GRK5: variants seen among roughly 807,000 people sequenced by gnomAD.
GRK5 encodes the protein G protein-coupled receptor kinase 5.
Under a neutral mutation model 78.4 loss-of-function variants are expected in GRK5, and 40 were observed. The observed-to-expected ratio is 0.51, with a 90% CI of 0.40 to 0.66. GRK5 has a LOEUF of 0.66. GRK5 is among the 30% of genes least tolerant of loss of function. GRK5 has a pLI of 0.00. For missense variants in GRK5, 598 were observed against 759.9 expected (o/e 0.79, Z 2.50); for synonymous variants, 289 against 296.8 (o/e 0.97, Z 0.27).
At chr10:119,453,039 G>A in intron 14 of GRK5, 106 bp from the exon 15 acceptor site, 1 of 880,664 alleles carries the variant, frequency 1.1e-6, no homozygotes, top group East Asian at 2.4e-5. Context: ...AGGGCGTGTG[G>A]CTCAGGGGCA....
chr10:119,326,427 T>G, intron 1 of GRK5, 89 bp from the exon 2 acceptor site: 4 of 1,054,822 alleles, frequency 3.8e-6, no homozygotes, highest in Non-Finnish European at 5.8e-6. Context: ...CCTCTGTCTC[T>G]CAGCCCAGGA....
chr10:119,313,612 G>C (rs1013340960), intron 1 of GRK5, among the ~76,000 whole-genome samples: 1 of 152,102 alleles, frequency 6.6e-6, no homozygotes, highest in African/African-American at 2.4e-5. Flanking sequence ...TTGTGTCCTG[G>C]TGAACAGTGC....
At chr10:119,216,860 C>T (rs1848583487) in intron 1 of GRK5, among the ~76,000 whole-genome samples, 1 of 152,108 alleles carries the variant, frequency 6.6e-6, no homozygotes, top group Non-Finnish European at 1.5e-5. Context: ...GAGACTGAGG[C>T]AGGAGAATTG....
intron 13 of GRK5, among the ~76,000 whole-genome samples, chr10:119,449,773 A>G (rs915382399): frequency 6.6e-6 from 1 of 152,208 alleles, no homozygotes; most frequent in Non-Finnish European, 1.5e-5. Context: ...TGGGCGACGG[A>G]GCGAGACTGC....
intron 1 of GRK5, among the ~76,000 whole-genome samples, chr10:119,236,332 C>T (rs1481740776): frequency 1.3e-5 from 2 of 152,088 alleles, no homozygotes; most frequent in Non-Finnish European, 2.9e-5. Context: ...TCTCCTGCCT[C>T]AGCCTCCCGA....
At chr10:119,268,667 G>C (rs928024310) in intron 1 of GRK5, among the ~76,000 whole-genome samples, 1 of 152,382 alleles carries the variant, frequency 6.6e-6, no homozygotes, top group African/African-American at 2.4e-5. Context: ...TGCTGACCAA[G>C]TGTTTGCTGT....
At position 119,452,789 on chromosome 10, in the gene GRK5, C is replaced by T. The variant is rs1853314982; in HGVS notation, c.1523C>T (p.Ser508Phe). 3.1e-6 allele frequency: 5 copies of T among 1,613,138 alleles called. No homozygotes were observed. The highest frequency in any genetic ancestry group is 4.2e-6 in the Non-Finnish European group (5 of 1,179,554). ...FYSKFSTGSVSIPWQNEMIET... is the reference protein window; with the variant it reads ...FYSKFSTGSVFIPWQNEMIET... ...TCCAAGTTCTCCACGGGCTCTGTGTCCATCCCATGGCAAAACGAGGTGAGC... is the reference window on the plus strand; with the variant it reads ...TCCAAGTTCTCCACGGGCTCTGTGTTCATCCCATGGCAAAACGAGGTGAGC... Residue 508 changes from serine to phenylalanine, a missense_variant, in exon 14 of 16, where the codon TCC (serine) becomes TTC (phenylalanine). Coordinates refer to ENST00000392870, the MANE Select transcript of GRK5 (RefSeq NM_005308.3). This position sits in a 1 kb window ranked among gnomAD's most constrained non-coding sequence, Gnocchi z 4.4.
At chr10:119,262,424 C>T (rs978413101) in intron 1 of GRK5, among the ~76,000 whole-genome samples, 29 of 150,326 alleles carry the variant, frequency 1.9e-4, no homozygotes, top group African/African-American at 6.1e-4. Context: ...GCACAACCTC[C>T]GCCTCCCAGA....
chr10:119,388,146 G>C (rs1851831070), intron 3 of GRK5, among the ~76,000 whole-genome samples: 1 of 151,802 alleles, frequency 6.6e-6, no homozygotes, highest in Admixed American at 6.6e-5. Flanking sequence ...TTAGAGATGG[G>C]GTCTCTCTGT....
At chr10:119,411,197 C>T (rs530419135) in intron 4 of GRK5, among the ~76,000 whole-genome samples, 1 of 152,202 alleles carries the variant, frequency 6.6e-6, no homozygotes, top group Admixed American at 6.5e-5. Flanking sequence ...TGGTCACCAC[C>T]AAAGAGGTAC....
intron 2 of GRK5, among the ~76,000 whole-genome samples, chr10:119,346,508 G>T (rs1457187453): frequency 6.6e-6 from 1 of 152,210 alleles, no homozygotes; most frequent in Non-Finnish European, 1.5e-5. Flanking sequence ...GCCGAAGCTG[G>T]CTTCCTGCTT....
chr10:119,248,360 T>G (rs1849147987), intron 1 of GRK5, among the ~76,000 whole-genome samples: 1 of 152,206 alleles, frequency 6.6e-6, no homozygotes, highest in African/African-American at 2.4e-5. Context: ...ATGTGTGTGT[T>G]GATGTACAGC....
chr10:119,427,024 C>CA (rs1852697016), intron 6 of GRK5, among the ~76,000 whole-genome samples: 2 of 152,136 alleles, frequency 1.3e-5, no homozygotes, highest in South Asian at 4.1e-4. Flanking sequence ...TCAGCAGCAT[C>CA]ACAGCCATCA....
intron 1 of GRK5, among the ~76,000 whole-genome samples, chr10:119,221,780 G>A (rs1848659399): frequency 6.6e-6 from 1 of 152,122 alleles, no homozygotes; most frequent in Non-Finnish European, 1.5e-5. Flanking sequence ...CCCTAGGGAT[G>A]TACAATGTAG....
intron 1 of GRK5, among the ~76,000 whole-genome samples, chr10:119,297,009 C>A (rs1850092920): frequency 6.6e-6 from 1 of 152,220 alleles, no homozygotes; most frequent in Non-Finnish European, 1.5e-5. Context: ...CCCCTCACAC[C>A]AAGATAGGAG....
chr10:119,321,812 G>A (rs1850590541), intron 1 of GRK5, among the ~76,000 whole-genome samples: 2 of 152,140 alleles, frequency 1.3e-5, no homozygotes, highest in Non-Finnish European at 2.9e-5. Context: ...TAGCTGGAGA[G>A]TCTGCACCCT....
At chr10:119,334,115 G>A (rs1245364345) in intron 2 of GRK5, among the ~76,000 whole-genome samples, 1 of 152,154 alleles carries the variant, frequency 6.6e-6, no homozygotes, top group Non-Finnish European at 1.5e-5. Flanking sequence ...AGATTCCTAG[G>A]CCAGGTGCAG....
intron 4 of GRK5, among the ~76,000 whole-genome samples, chr10:119,415,081 CAAAAAAA>C (rs762165768): frequency 4.2e-4 from 32 of 75,742 alleles, no homozygotes; most frequent in African/African-American, 1.2e-3. Flanking sequence ...GACTCTGTCT[CAAAAAAA>C]AAAAAAAAAA....
At chr10:119,357,935 GC>G (rs1444475397) in intron 2 of GRK5, among the ~76,000 whole-genome samples, 2 of 152,158 alleles carry the variant, frequency 1.3e-5, no homozygotes, top group Non-Finnish European at 2.9e-5. Flanking sequence ...AGCCTCCCAA[GC>G]CAGGGGTGGG....
Sources: allele counts gnomAD v4.1 joint callset (sites outside exome capture counted in the v4.1 genomes callset), GRCh38; gene constraint gnomAD v4.1.1; non-coding constraint Gnocchi (gnomAD v3.1); transcripts MANE v1.5; gene names NCBI Gene and HGNC (gene_info 2026-07-23, HGNC 2026-07-21).